The following HNRNPLL variants were observed in gnomAD, a reference collection of about 807,000 sequenced individuals.
HNRNPLL encodes heterogeneous nuclear ribonucleoprotein L-like.
Under a neutral mutation model 67.1 loss-of-function variants are expected in HNRNPLL, and 25 were observed. The ratio of observed to expected loss-of-function variants is 0.37; its 90% CI spans 0.27 to 0.52. The LOEUF is 0.52. Among genes scored for constraint, HNRNPLL ranks in the 20% least tolerant of loss-of-function variants. The pLI is 0.90. For missense variants in HNRNPLL, 542 were observed against 673.9 expected (o/e 0.80, Z 2.17); for synonymous variants, 267 against 241.7 (o/e 1.10, Z -0.97).
At chr2:38,571,360 A>C (rs942318856) in intron 8 of HNRNPLL, among the ~76,000 whole-genome samples, 1 of 152,206 alleles carries the variant, frequency 6.6e-6, no homozygotes, top group African/African-American at 2.4e-5. Flanking sequence ...GAGTAACTGA[A>C]AGCAAAACTG....
At chr2:38,570,498 T>C (rs530392418) in intron 8 of HNRNPLL, among the ~76,000 whole-genome samples, 5 of 152,338 alleles carry the variant, frequency 3.3e-5, no homozygotes, top group Admixed American at 1.3e-4. Flanking sequence ...TGAGATAGCA[T>C]GGTCACAGGA....
At chr2:38,567,985 A>T (rs182601544) in intron 12 of HNRNPLL, 1 of 445,922 alleles carries the variant, frequency 2.2e-6, no homozygotes, top group Non-Finnish European at 4.0e-6. Context: ...AAACAGTAAG[A>T]TAATAAATGT....
chr2:38,583,626 A>G (rs577062552), intron 4 of HNRNPLL, among the ~76,000 whole-genome samples: 14 of 152,322 alleles, frequency 9.2e-5, no homozygotes, highest in African/African-American at 2.6e-4. Context: ...TTAACAGCTT[A>G]AAAAGGAAGC....
intron 1 of HNRNPLL, among the ~76,000 whole-genome samples, chr2:38,600,217 C>G (rs373531405): frequency 1.3e-4 from 20 of 152,236 alleles, no homozygotes; most frequent in African/African-American, 4.8e-4. Context: ...TCACCCTTTC[C>G]TAGGAAACAT....
At chr2:38,574,111 CTA>C (rs1666204683) in intron 7 of HNRNPLL, among the ~76,000 whole-genome samples, 1 of 151,872 alleles carries the variant, frequency 6.6e-6, no homozygotes, top group East Asian at 1.9e-4. Context: ...ACACTCAAAT[CTA>C]TGTCTCTTAC....
chr2:38,569,902 A>G lies in HNRNPLL; in HGVS notation c.1116T>C (p.Pro372=). Residue 372 remains proline (P), a synonymous_variant, in exon 9 of 13, where the codon CCT becomes CCC. Transcript: ENST00000449105. The part of the protein sequence containing the change: ...IEKVKFMKTI[P]GTALVEMGDE... ...CACCCATTTCTACCAGTGCTGTACC[A>G]GGAATGGTCTTCATAAATTTTACCT... is the stretch of plus-strand genomic sequence containing the variant. The G allele has an allele frequency of 6.3e-7, 1 of 1,595,476 alleles. No homozygotes were observed. The highest frequency in any genetic ancestry group is 8.6e-7 in the Non-Finnish European group (1 of 1,168,228).
intron 2 of HNRNPLL, among the ~76,000 whole-genome samples, chr2:38,588,704 CATT>C (rs1467960058): frequency 6.6e-6 from 1 of 152,032 alleles, no homozygotes; most frequent in Non-Finnish European, 1.5e-5. Flanking sequence ...ATGTTACAGA[CATT>C]TTAGCATGTG....
intron 7 of HNRNPLL, among the ~76,000 whole-genome samples, chr2:38,574,616 TC>T: frequency 6.6e-6 from 1 of 151,934 alleles, no homozygotes; most frequent in South Asian, 2.1e-4. Context: ...TATGGTGGAC[TC>T]CAATTTTTGG....
At chr2:38,580,310 A>C (rs1045652871) in intron 6 of HNRNPLL, among the ~76,000 whole-genome samples, 1 of 152,202 alleles carries the variant, frequency 6.6e-6, no homozygotes, top group Non-Finnish European at 1.5e-5. Context: ...GCAGATTTCC[A>C]TAAGTAGTGA....
At chr2:38,590,967 T>C (rs188593192) in intron 2 of HNRNPLL, among the ~76,000 whole-genome samples, 45 of 152,300 alleles carry the variant, frequency 3.0e-4, no homozygotes, top group African/African-American at 1.0e-3. Context: ...AATGTGCCAC[T>C]ACACTCCAGC....
intron 9 of HNRNPLL, 48 bp from the exon 10 acceptor site, chr2:38,569,382 A>C (rs982260245): frequency 7.4e-7 from 1 of 1,348,010 alleles, no homozygotes; most frequent in African/African-American, 1.4e-5. Context: ...GTTAGATAAA[A>C]AGCAGCAAGT....
rs1299292619 is a variant in HNRNPLL at position 38,582,112 on chromosome 2, A to G, written c.689T>C (p.Ile230Thr). 3.1e-6 allele frequency: 5 copies of G among 1,614,036 alleles called. No homozygotes were observed. The highest frequency in any genetic ancestry group is 1.1e-5 in the South Asian group (1 of 91,078). The stretch of plus-strand genomic sequence containing the variant: ...TTTTAGTGTGCAACATCCAGCATAT[A>G]TATCAGCTCCATTGAGTGCTGCTTT... ...KAKAALNGAD[I>T]YAGCCTLKIE... The change falls in exon 5 of 13, where the codon ATA becomes ACA. Residue 230 changes from isoleucine (I) to threonine (T), a missense_variant. Physicochemically the swap from Ile to Thr is moderately conservative, Grantham distance 89. This residue lies in a region of HNRNPLL where 415 missense variants were observed against 575.2 expected (regional missense o/e 0.72). Coordinates refer to ENST00000449105, the MANE Select transcript of HNRNPLL (RefSeq NM_138394.4).
chr2:38,595,529 A>G (rs1667145810), intron 1 of HNRNPLL, among the ~76,000 whole-genome samples: 1 of 152,154 alleles, frequency 6.6e-6, no homozygotes, highest in South Asian at 2.1e-4. Context: ...AATAAAGTGA[A>G]ACCACAGTCA....
chr2:38,598,795 A>G (rs1213503825), intron 1 of HNRNPLL, among the ~76,000 whole-genome samples: 1 of 152,232 alleles, frequency 6.6e-6, no homozygotes, highest in Non-Finnish European at 1.5e-5. Flanking sequence ...GTCTAAAACC[A>G]AAAGATGGTA....
chr2:38,574,843 G>A (rs528373210), intron 7 of HNRNPLL, among the ~76,000 whole-genome samples: 355 of 151,776 alleles, frequency 2.3e-3, no homozygotes, highest in Non-Finnish European at 3.6e-3. Context: ...TTAGTTTTTA[G>A]GCTGTTTAGT....
chr2:38,562,835 C>G lies in HNRNPLL; in HGVS notation c.*1347G>C, dbSNP rs1288934365. The G allele has an allele frequency of 6.6e-6, 1 of 152,052 alleles. No individual in the cohort carries two copies. Among genetic ancestry groups the G allele is most frequent in the African/African-American group, 2.4e-5 (1 of 41,430 alleles). 9.4% of individuals were successfully genotyped at this position (152,052 alleles called of 1,614,324 possible). A position where few individuals can be genotyped will look rare whatever the true frequency, so the allele number is the denominator to read the frequency against. On this transcript the variant is annotated 3_prime_UTR_variant, in exon 13 of 13. Coordinates refer to ENST00000449105, the MANE Select transcript of HNRNPLL (RefSeq NM_138394.4). The stretch of plus-strand genomic sequence containing the variant: ...CATCTAAACTTCCTATTAAACAGCT[C>G]TAAAATTGTAAATGCCTGCCTTATT...
intron 12 of HNRNPLL, chr2:38,567,986 TAATA>T: frequency 2.2e-6 from 1 of 450,128 alleles, no homozygotes; most frequent in Middle Eastern, 5.9e-4. Flanking sequence ...AACAGTAAGA[TAATA>T]AATGTTTGCT....
chr2:38,598,785 G>C (rs1273145631), intron 1 of HNRNPLL, among the ~76,000 whole-genome samples: 1 of 152,176 alleles, frequency 6.6e-6, no homozygotes, highest in Non-Finnish European at 1.5e-5. Flanking sequence ...TGAAGAAACA[G>C]TCTAAAACCA....
intron 8 of HNRNPLL, among the ~76,000 whole-genome samples, chr2:38,571,975 T>C (rs1219972503): frequency 6.6e-6 from 1 of 152,150 alleles, no homozygotes; most frequent in African/African-American, 2.4e-5. Flanking sequence ...TGCCTGATTC[T>C]GATTGTCTGC....
Sources: gnomAD v4.1 joint callset for allele counts (sites outside exome capture counted in the v4.1 genomes callset) on GRCh38, gnomAD v4.1.1 for gene constraint, gnomAD v4.1.1 regional missense constraint, MANE v1.5 for transcripts, NCBI Gene and HGNC (gene_info 2026-07-23, HGNC 2026-07-21) for gene names.